The following PPIL2 variants were observed in gnomAD, a reference collection of about 807,000 sequenced individuals.
The protein encoded by PPIL2 is RING-type E3 ubiquitin-protein ligase PPIL2.
PPIL2 carries 50 observed loss-of-function variants against 75.2 expected under a neutral mutation model. That is an observed-to-expected ratio of 0.66 (90% confidence interval 0.53 to 0.84). The LOEUF (loss-of-function observed/expected upper bound fraction) is 0.84. Among genes scored for constraint, PPIL2 ranks in the 40% least tolerant of loss-of-function variants. The pLI, the probability that PPIL2 is intolerant of heterozygous loss-of-function variation, is 0.00. For synonymous variants in PPIL2, 245 were observed against 258.8 expected (o/e 0.95, Z 0.51); for missense variants, 590 against 685.0 (o/e 0.86, Z 1.55).
chr22:21,675,074 G>C lies in PPIL2; in HGVS notation c.254G>C (p.Gly85Ala), dbSNP rs1033128986. 1.9e-6 allele frequency: 3 copies of C among 1,611,768 alleles called. No individual in the cohort carries two copies. Among genetic ancestry groups the C allele is most frequent in the Non-Finnish European group, 2.5e-6 (3 of 1,178,018 alleles). ...TNPSNGEKLD[G>A]RSLIKLNFSK... The stretch of plus-strand genomic sequence containing the variant: ...CTGTGCTTCTTCCAGAAGCTGGACG[G>C]GAGGTCCCTGATCAAGCTGAACTTT... The change falls in exon 6 of 20, where the codon GGG becomes GCG. Residue 85 changes from glycine (G) to alanine (A), a missense_variant. Physicochemically the swap from Gly to Ala is moderately conservative, Grantham distance 60. Transcript: ENST00000398831.
At chr22:21,666,278 CCA>C in intron 1 of PPIL2, 147 bp downstream of exon 1, 1 of 977,872 alleles carries the variant, frequency 1.0e-6, no homozygotes, top group Admixed American at 3.2e-5. Context: ...CGCCCTGTCT[CCA>C]GTCAGGGTAA....
chr22:21,666,264 C>A, intron 1 of PPIL2, 133 bp downstream of exon 1: 2 of 1,074,970 alleles, frequency 1.9e-6, no homozygotes, highest in Non-Finnish European at 2.6e-6. Flanking sequence ...CTCCCGGAAG[C>A]TGCCGCCCTG....
At chr22:21,681,479 T>G in intron 7 of PPIL2, 89 bp downstream of exon 7, 1 of 1,181,154 alleles carries the variant, frequency 8.5e-7, no homozygotes, top group Non-Finnish European at 1.2e-6. Flanking sequence ...GTGTGCTACG[T>G]GTACGGCCTG....
intron 2 of PPIL2, chr22:21,670,177 T>A: frequency 1.1e-6 from 1 of 910,584 alleles, no homozygotes. Flanking sequence ...TTTAAAATAT[T>A]CCCCGATGCT....
chr22:21,694,866 T>C (rs765452587), intron 18 of PPIL2, 49 bp downstream of exon 18: 5 of 1,590,408 alleles, frequency 3.1e-6, no homozygotes, highest in South Asian at 1.1e-5. Flanking sequence ...CTAGTGCACT[T>C]TTCCACCCCA....
chr22:21,679,185 C>T lies in PPIL2; in HGVS notation c.296-2114C>T, dbSNP rs138740420. On this transcript the variant is annotated intron_variant, in intron 6 of 19. Transcript: ENST00000398831. ...TGCTGGGATTACAGGTGTGAGCCAC[C>T]GCGCCCAGCCCCAGCTACTTTTTTA... Among the ~76,000 whole-genome samples the T allele has an allele frequency of 2.2e-3, 339 of 152,074 alleles. 2 individuals are homozygous for T. The highest frequency in any genetic ancestry group is 0.012 in the South Asian group (56 of 4,816).
intron 10 of PPIL2, chr22:21,685,716 T>C: frequency 4.4e-6 from 2 of 451,536 alleles, no homozygotes; most frequent in South Asian, 3.1e-5. Context: ...CCGAAAGTGC[T>C]GGAATTACAG....
chr22:21,687,100 T>C, intron 12 of PPIL2, 102 bp downstream of exon 12: 2 of 1,155,326 alleles, frequency 1.7e-6, no homozygotes, highest in Non-Finnish European at 2.6e-6. Flanking sequence ...GTGCTTGTTG[T>C]AGGAAATTCA....
intron 5 of PPIL2, 37 bp from the exon 6 acceptor site, chr22:21,675,027 A>G (rs747677773): frequency 1.3e-6 from 2 of 1,560,534 alleles, no homozygotes; most frequent in African/African-American, 1.4e-5. Flanking sequence ...TCAGTTACTT[A>G]TTCATTATCA....
rs2067924189 is a variant in PPIL2 at position 21,696,238 on chromosome 22, C to CTCACCTGCTCTGGCTGTGAA, written c.*749_*768dup. On this transcript the variant is annotated 3_prime_UTR_variant, in exon 20 of 20. Transcript: ENST00000398831. Reference sequence around the variant, plus strand: ...CCCTGCCTGAGCTCTCAGGGCCCTGCTCACCTGCTCTGGCTGTGAACCACC... The same window carrying CTCACCTGCTCTGGCTGTGAA: ...CCCTGCCTGAGCTCTCAGGGCCCTGCTCACCTGCTCTGGCTGTGAATCACCTGCTCTGGCTGTGAACCACC... 12 of 1,015,040 alleles carry CTCACCTGCTCTGGCTGTGAA rather than the reference C, an allele frequency of 1.2e-5. No homozygotes were observed. Among genetic ancestry groups the CTCACCTGCTCTGGCTGTGAA allele is most frequent in the Non-Finnish European group, 1.4e-5 (12 of 847,314 alleles). The allele number at this position is 1,015,040 out of a possible 1,614,324, so 62.9% of individuals were successfully genotyped here.
intron 12 of PPIL2, among the ~76,000 whole-genome samples, chr22:21,687,295 A>G (rs1049383532): frequency 2.6e-5 from 4 of 152,126 alleles, no homozygotes; most frequent in African/African-American, 9.7e-5. Flanking sequence ...CTGTTGCTTA[A>G]TGTTGTGGGT....
chr22:21,676,322 T>G (rs531582252), intron 6 of PPIL2, among the ~76,000 whole-genome samples: 39 of 148,250 alleles, frequency 2.6e-4, no homozygotes, highest in African/African-American at 7.8e-4. Context: ...TGTGTGTGTG[T>G]GTGTGTGTGT....
At chr22:21,686,121 A>G (rs452614) in intron 10 of PPIL2, among the ~76,000 whole-genome samples, 51,536 of 152,044 alleles carry the variant, frequency 0.34, 9,189 homozygotes, top group East Asian at 0.45. Flanking sequence ...AGGATCACAC[A>G]CCACTGCACT....
chr22:21,675,163 A>G (rs1409408784), intron 6 of PPIL2, 48 bp downstream of exon 6: 2 of 1,501,210 alleles, frequency 1.3e-6, no homozygotes, highest in Non-Finnish European at 9.3e-7. Context: ...TGCAGACCCA[A>G]GGGCCCAGCT....
chr22:21,678,783 G>A (rs2066980939), intron 6 of PPIL2, among the ~76,000 whole-genome samples: 1 of 152,040 alleles, frequency 6.6e-6, no homozygotes, highest in Admixed American at 6.5e-5. Context: ...CTGGAGTGTA[G>A]TGGCATGATC....
In PPIL2 at chr22:21,666,060, T is replaced by A. The variant is rs769085299; in HGVS notation, c.-40T>A. ...GCTCCATGGTCTGAGTTGTCAGCCG[T>A]TGTTTTTTCGTGCTCGCTAGTCGCC... On this transcript the variant is annotated 5_prime_UTR_variant, in exon 1 of 20. The change creates a new upstream start codon in the 5' untranslated region. Transcript: ENST00000398831. 1 of 1,608,638 alleles carries A rather than the reference T, an allele frequency of 6.2e-7. No homozygotes were observed. Among genetic ancestry groups the A allele is most frequent in the East Asian group, 2.2e-5 (1 of 44,614 alleles).
chr22:21,672,875 C>T (rs1315359126), intron 5 of PPIL2, among the ~76,000 whole-genome samples: 6 of 152,212 alleles, frequency 3.9e-5, no homozygotes, highest in Non-Finnish European at 7.3e-5. Flanking sequence ...CCGGTGGGCT[C>T]CCTGTGCTGG....
rs1601512885 is a variant in PPIL2, at chr22:21,672,132, T to G, written c.192-198T>G. On this transcript the variant is annotated intron_variant, in intron 4 of 19. Coordinates refer to ENST00000398831, the MANE Select transcript of PPIL2 (RefSeq NM_014337.4). ...TTATACATAACTACAGTAATAACTC[T>G]GAACATATTTTGAAACCTATGTATC... Among the ~76,000 whole-genome samples the G allele has an allele frequency of 3.3e-5, 5 of 152,242 alleles. 1 individual carries two copies. In the South Asian group the frequency reaches 1.0e-3, roughly 31 times the overall value.
Position 21,683,376 on chromosome 22 carries a change from T to C in PPIL2, c.553+119T>C, listed in dbSNP as rs557579100. On this transcript the variant is annotated intron_variant, in intron 9 of 19. Transcript: ENST00000398831. Reference sequence around the variant, plus strand: ...AGGGGGTCCCAGCCCAGACAGGCCCTGCATTTTCTGAACTAGTGTTCAGAG... The same window carrying C: ...AGGGGGTCCCAGCCCAGACAGGCCCCGCATTTTCTGAACTAGTGTTCAGAG... The C allele has an allele frequency of 5.2e-5, 42 of 813,922 alleles. No homozygotes were observed. The African/African-American group carries it at 6.0e-4, about 12-fold the overall frequency. 50.4% of individuals were successfully genotyped at this position (813,922 alleles called of 1,614,324 possible).
Sources: allele counts gnomAD v4.1 joint callset (sites outside exome capture counted in the v4.1 genomes callset), GRCh38; gene constraint gnomAD v4.1.1; transcripts MANE v1.5; gene names NCBI Gene and HGNC (gene_info 2026-07-23, HGNC 2026-07-21).